GABBR2: variants seen among roughly 807,000 people sequenced by gnomAD.
The protein encoded by GABBR2 is gamma-aminobutyric acid type B receptor subunit 2, also known as G-protein coupled receptor 51.
Under a neutral mutation model 105.6 loss-of-function variants are expected in GABBR2, and 23 were observed. The observed-to-expected ratio is 0.22, with a 90% confidence interval of 0.16 to 0.31. The LOEUF is 0.31. GABBR2 is among the 10% of genes least tolerant of loss of function. The pLI is 1.00. For synonymous variants in GABBR2, 478 were observed against 499.7 expected, an observed-to-expected ratio of 0.96 and a Z score of 0.58; for missense variants, 734 against 1,245.5, an observed-to-expected ratio of 0.59 and a Z score of 6.18.
chr9:98,381,917 G>A (rs972756141), intron 11 of GABBR2, among the ~76,000 whole-genome samples: 1 of 152,160 alleles, frequency 6.6e-6, no homozygotes, highest in Non-Finnish European at 1.5e-5. Flanking sequence ...TGTGGGGGAT[G>A]TCCCTGTTTT....
intron 5 of GABBR2, among the ~76,000 whole-genome samples, chr9:98,477,104 T>TGGGA (rs1826808786): frequency 6.6e-6 from 1 of 152,164 alleles, no homozygotes; most frequent in Non-Finnish European, 1.5e-5. Flanking sequence ...TGGGGAGTTT[T>TGGGA]GGGAGGGTGG....
intron 7 of GABBR2, among the ~76,000 whole-genome samples, chr9:98,413,382 A>T (rs182736124): frequency 6.8e-4 from 104 of 152,348 alleles, no homozygotes; most frequent in African/African-American, 2.5e-3. Flanking sequence ...ATGGCAGGAT[A>T]TAAAAGAGAG....
intron 1 of GABBR2, among the ~76,000 whole-genome samples, chr9:98,697,023 C>T (rs1455322099): frequency 6.6e-6 from 1 of 152,080 alleles, no homozygotes; most frequent in Non-Finnish European, 1.5e-5. Flanking sequence ...AAACTTGCCG[C>T]TTGCTTTTAT....
At chr9:98,359,660 T>A in intron 13 of GABBR2, among the ~76,000 whole-genome samples, 1 of 152,122 alleles carries the variant, frequency 6.6e-6, no homozygotes, top group Non-Finnish European at 1.5e-5. Context: ...TGATCTGAAG[T>A]GATACGGTTA....
intron 5 of GABBR2, among the ~76,000 whole-genome samples, chr9:98,476,053 G>T (rs913144973): frequency 3.9e-5 from 6 of 152,190 alleles, no homozygotes; most frequent in African/African-American, 9.7e-5. Context: ...GACAGAGTGA[G>T]ACTCTGTCTC....
Position 98,633,603 on chromosome 9 carries a change from A to C in GABBR2, c.322-55531T>G, listed in dbSNP as rs1255512746. Among the ~76,000 whole-genome samples the C allele has an allele frequency of 4.1e-5, 6 of 147,490 alleles. No individual in the cohort carries two copies. The East Asian group carries it at 1.2e-3, about 29-fold the overall frequency. ...CTCACCATTGCACTCCAGCCTGGGCAACAAGAGCGCGAGACTCCATCTCAA... is the reference window on the plus strand; with the variant it reads ...CTCACCATTGCACTCCAGCCTGGGCCACAAGAGCGCGAGACTCCATCTCAA... On this transcript the variant is annotated intron_variant, in intron 1 of 18. Transcript: ENST00000259455.
At chr9:98,473,104 G>T in intron 6 of GABBR2, 42 bp downstream of exon 6, 1 of 1,422,434 alleles carries the variant, frequency 7.0e-7, no homozygotes. Flanking sequence ...GATGATCAAA[G>T]GAGGTGGGCC....
intron 3 of GABBR2, among the ~76,000 whole-genome samples, chr9:98,497,940 A>G (rs1827316721): frequency 6.6e-6 from 1 of 152,268 alleles, no homozygotes; most frequent in African/African-American, 2.4e-5. Context: ...CATGTTCATA[A>G]GAACATTTGT....
intron 1 of GABBR2, among the ~76,000 whole-genome samples, chr9:98,626,706 AT>A (rs1408194003): frequency 6.6e-6 from 1 of 152,138 alleles, no homozygotes; most frequent in Admixed American, 6.5e-5. Context: ...GCTTGCTGTT[AT>A]TTTTATTATC....
chr9:98,383,561 G>T (rs1365848355), intron 11 of GABBR2, among the ~76,000 whole-genome samples: 1 of 152,128 alleles, frequency 6.6e-6, no homozygotes, highest in East Asian at 1.9e-4. Context: ...GAGAGGAGAG[G>T]GGCCTGAACA....
chr9:98,699,327 T>C (rs74491420), intron 1 of GABBR2, among the ~76,000 whole-genome samples: 2,051 of 152,190 alleles, frequency 0.013, 50 homozygotes, highest in African/African-American at 0.047. Flanking sequence ...AAATCTTCTA[T>C]TGGAACACCC....
intron 1 of GABBR2, among the ~76,000 whole-genome samples, chr9:98,612,377 C>G (rs1171815364): frequency 6.6e-6 from 1 of 152,168 alleles, no homozygotes; most frequent in Non-Finnish European, 1.5e-5. Flanking sequence ...GTCAGCCAGC[C>G]CTGGAGCTGT....
chr9:98,567,838 G>A lies in GABBR2; in HGVS notation c.459+10097C>T, dbSNP rs868447334. 3.3e-5 allele frequency among the ~76,000 whole-genome samples: 5 copies of A among 152,322 alleles called. No individual in the cohort carries two copies. The East Asian group carries it at 9.6e-4, about 29-fold the overall frequency. On this transcript the variant is annotated intron_variant, in intron 2 of 18. Transcript: ENST00000259455. ...CTTCGGAATTCCAGTCCTCTGTTCAGTCTCCTGCATCAAACTGCCTCTTTG... is the reference window on the plus strand; with the variant it reads ...CTTCGGAATTCCAGTCCTCTGTTCAATCTCCTGCATCAAACTGCCTCTTTG...
chr9:98,622,359 C>T (rs540255951), intron 1 of GABBR2, among the ~76,000 whole-genome samples: 134 of 152,008 alleles, frequency 8.8e-4, no homozygotes, highest in African/African-American at 2.6e-3. Flanking sequence ...AGGGATGGGG[C>T]GTCACCATGT....
intron 13 of GABBR2, among the ~76,000 whole-genome samples, chr9:98,356,061 G>A (rs1032373826): frequency 6.6e-6 from 1 of 152,108 alleles, no homozygotes; most frequent in African/African-American, 2.4e-5. Flanking sequence ...ACTCAAAATG[G>A]GTCACAGGCC....
At chr9:98,486,573 T>C (rs1382954938) in intron 4 of GABBR2, among the ~76,000 whole-genome samples, 1 of 152,162 alleles carries the variant, frequency 6.6e-6, no homozygotes, top group Non-Finnish European at 1.5e-5. Flanking sequence ...CATGCATCTG[T>C]CTAGGTCCAC....
intron 7 of GABBR2, among the ~76,000 whole-genome samples, chr9:98,409,791 C>T (rs1832552926): frequency 6.6e-6 from 1 of 152,208 alleles, no homozygotes; most frequent in Admixed American, 6.5e-5. Context: ...ATGATTGCCA[C>T]TGCATCACAT....
chr9:98,425,118 T>C (rs1004163417), intron 7 of GABBR2, among the ~76,000 whole-genome samples: 1 of 151,890 alleles, frequency 6.6e-6, no homozygotes, highest in African/African-American at 2.4e-5. Flanking sequence ...TTTACATAAA[T>C]ACAAATAATA....
At chr9:98,616,470 T>G (rs527386321) in intron 1 of GABBR2, among the ~76,000 whole-genome samples, 4 of 152,148 alleles carry the variant, frequency 2.6e-5, no homozygotes. Flanking sequence ...TTAAGAAAAG[T>G]TGGCCGGATG....
Sources: allele counts gnomAD v4.1 joint callset (sites outside exome capture counted in the v4.1 genomes callset), GRCh38; gene constraint gnomAD v4.1.1; transcripts MANE v1.5; gene names NCBI Gene and HGNC (gene_info 2026-07-23, HGNC 2026-07-21).